EYS: variants seen among roughly 807,000 people sequenced by gnomAD.
The protein encoded by EYS is EGF-like photoreceptor maintenance factor, also known as protein eyes shut homolog.
Under a neutral mutation model 282.1 loss-of-function variants are expected in EYS, and 250 were observed. That is an observed-to-expected ratio of 0.89 (90% CI 0.80 to 0.98). EYS has a LOEUF of 0.98. Among genes scored for constraint, EYS ranks in the 50% least tolerant of loss-of-function variants. EYS has a pLI of 0.00. For synonymous variants in EYS, 1,355 were observed against 1,282.9 expected, an observed-to-expected ratio of 1.06 and a Z score of -1.20; for missense variants, 4,016 against 3,709.0, an observed-to-expected ratio of 1.08 and a Z score of -2.15.
At chr6:65,621,599 A>G (rs1392137530) in intron 2 of EYS, among the ~76,000 whole-genome samples, 1 of 150,238 alleles carries the variant, frequency 6.7e-6, no homozygotes, top group Non-Finnish European at 1.5e-5. Flanking sequence ...TGTCATTATG[A>G]TGTTAGCTGG....
At chr6:64,957,756 A>G (rs1043105926) in intron 14 of EYS, among the ~76,000 whole-genome samples, 1 of 152,170 alleles carries the variant, frequency 6.6e-6, no homozygotes, top group Non-Finnish European at 1.5e-5. Flanking sequence ...AAAAATAAAA[A>G]TAAATGCAAC....
chr6:64,666,624 A>T (rs1769238079), intron 22 of EYS, among the ~76,000 whole-genome samples: 1 of 152,176 alleles, frequency 6.6e-6, no homozygotes, highest in Non-Finnish European at 1.5e-5. Context: ...TACCAACCAG[A>T]AATCAATGTT....
intron 30 of EYS, among the ~76,000 whole-genome samples, chr6:64,274,485 T>TTTTTTTTTGTTTG (rs1201834387): frequency 4.7e-5 from 7 of 147,546 alleles, no homozygotes; most frequent in African/African-American, 1.8e-4. Flanking sequence ...CTGGCCGTTT[T>TTTTTTTTTGTTTG]TTTTTTTTTT....
At chr6:64,468,903 T>C (rs1169357220) in intron 26 of EYS, among the ~76,000 whole-genome samples, 12 of 152,214 alleles carry the variant, frequency 7.9e-5, no homozygotes, top group Admixed American at 6.5e-4. Context: ...CAGTCTGCCA[T>C]TGATGGGCAT....
intron 19 of EYS, among the ~76,000 whole-genome samples, chr6:64,832,593 T>G (rs1472982913): frequency 6.6e-6 from 1 of 151,898 alleles, no homozygotes; most frequent in Admixed American, 6.6e-5. Context: ...ATGTTAAATA[T>G]TCTTACCACA....
At chr6:64,174,698 C>T (rs1398186534) in intron 31 of EYS, among the ~76,000 whole-genome samples, 1 of 151,720 alleles carries the variant, frequency 6.6e-6, no homozygotes, top group African/African-American at 2.4e-5. Context: ...ATATGTTTTA[C>T]AAATCTTAGT....
intron 12 of EYS, among the ~76,000 whole-genome samples, chr6:65,178,040 A>T (rs1236337049): frequency 6.6e-6 from 1 of 151,936 alleles, no homozygotes; most frequent in Non-Finnish European, 1.5e-5. Context: ...AGAAACAGAC[A>T]AATGGGTAGG....
At chr6:64,701,335 A>G (rs913289444) in intron 22 of EYS, among the ~76,000 whole-genome samples, 12 of 152,248 alleles carry the variant, frequency 7.9e-5, no homozygotes, top group Admixed American at 5.9e-4. Context: ...AAATGCAACA[A>G]CAACAAGAAA....
chr6:65,471,139 AAAAC>A (rs1229813531), intron 5 of EYS, among the ~76,000 whole-genome samples: 1 of 151,866 alleles, frequency 6.6e-6, no homozygotes, highest in Non-Finnish European at 1.5e-5. Flanking sequence ...GCCGTCTCAA[AAAAC>A]AAACAAACAA....
At position 65,158,205 on chromosome 6, in the gene EYS, C is replaced by G. The variant is rs149847183; in HGVS notation, c.2024-100478G>C. ...TAAACTATTCATGCTTTTGTAGACC[C>G]CCAATTTGATAACTGCATAAAACAA... On this transcript the variant is annotated intron_variant, in intron 12 of 42. Transcript: ENST00000503581. Among the ~76,000 whole-genome samples the G allele has an allele frequency of 4.7e-3, 706 of 150,616 alleles. 5 individuals carry two copies. The highest frequency in any genetic ancestry group is 0.016 in the African/African-American group (672 of 41,324).
intron 35 of EYS, among the ~76,000 whole-genome samples, chr6:63,934,979 C>A (rs1008345232): frequency 2.0e-5 from 3 of 152,106 alleles, no homozygotes; most frequent in Non-Finnish European, 4.4e-5. Context: ...TCCAGAAACA[C>A]AGCCCCGCAC....
intron 33 of EYS, among the ~76,000 whole-genome samples, chr6:64,031,242 C>T (rs559014974): frequency 2.4e-3 from 362 of 152,320 alleles, no homozygotes; most frequent in African/African-American, 8.2e-3. Flanking sequence ...TGGCCAGCTC[C>T]GCACTCAGAG....
intron 13 of EYS, among the ~76,000 whole-genome samples, chr6:65,007,676 G>A (rs746284439): frequency 1.4e-4 from 21 of 151,940 alleles, no homozygotes; most frequent in Admixed American, 6.6e-4. Context: ...CAACCCAAAC[G>A]GTCCAAAAGG....
At chr6:65,047,162 A>C (rs1583432214) in intron 13 of EYS, among the ~76,000 whole-genome samples, 2 of 151,818 alleles carry the variant, frequency 1.3e-5, no homozygotes, top group Admixed American at 1.3e-4. Flanking sequence ...GAATAGATTA[A>C]TATACTTTCC....
chr6:65,684,875 A>T (rs1768957023), intron 1 of EYS, among the ~76,000 whole-genome samples: 2 of 151,660 alleles, frequency 1.3e-5, no homozygotes, highest in African/African-American at 4.8e-5. Flanking sequence ...TTTTGTCTTC[A>T]ACCTCCTCCC....
intron 36 of EYS, among the ~76,000 whole-genome samples, chr6:63,844,735 G>A (rs1772054382): frequency 6.6e-6 from 1 of 151,580 alleles, no homozygotes; most frequent in Non-Finnish European, 1.5e-5. Flanking sequence ...ATTTGTTTAA[G>A]TTCCTTATAG....
chr6:64,153,437 A>G (rs1313177024), intron 31 of EYS, among the ~76,000 whole-genome samples: 1 of 152,218 alleles, frequency 6.6e-6, no homozygotes, highest in Non-Finnish European at 1.5e-5. Flanking sequence ...TTTCTTATTA[A>G]CTAAAGAGTC....
intron 21 of EYS, chr6:64,815,269 T>C (rs1395524363): frequency 4.6e-6 from 2 of 432,918 alleles, no homozygotes; most frequent in Non-Finnish European, 9.2e-6. Context: ...TAGTAGACTA[T>C]CCTGTAGGTA....
In EYS at chr6:64,854,784, A is replaced by AT. The variant is rs965369018; in HGVS notation, c.2992+31912dup. On this transcript the variant is annotated intron_variant, in intron 19 of 42. Coordinates refer to ENST00000503581, the MANE Select transcript of EYS (RefSeq NM_001142800.2). ...TGTATTTCTCTTTCACTTACCTTCA[A>AT]TTTTTTTTTTATATCTGACAGTCTA... 8.3e-3 allele frequency among the ~76,000 whole-genome samples: 1,244 copies of AT among 149,338 alleles called. 18 individuals are homozygous for AT. The highest frequency in any genetic ancestry group is 0.027 in the African/African-American group (1,110 of 40,772).
Sources: gnomAD v4.1 joint callset for allele counts (sites outside exome capture counted in the v4.1 genomes callset) on GRCh38, gnomAD v4.1.1 for gene constraint, MANE v1.5 for transcripts, NCBI Gene and HGNC (gene_info 2026-07-23, HGNC 2026-07-21) for gene names.